DMD: variants seen among roughly 807,000 people sequenced by gnomAD.
DMD encodes mutant dystrophin.
DMD carries 63 observed loss-of-function variants against 330.1 expected under a neutral mutation model. The observed-to-expected ratio is 0.19, with a 90% CI of 0.16 to 0.24. The LOEUF is 0.24. DMD is among the 10% of genes least tolerant of loss of function. DMD has a pLI of 1.00. For missense variants in DMD, 3,344 were observed against 2,684.1 expected, an observed-to-expected ratio of 1.25 and a Z score of -5.43; for synonymous variants, 1,223 against 959.8, an observed-to-expected ratio of 1.27 and a Z score of -5.07.
chrX:31,794,139 A>G (rs1220854825), intron 50 of DMD, among the ~76,000 whole-genome samples: 1 of 112,019 alleles, frequency 8.9e-6, no homozygotes, highest in Non-Finnish European at 1.9e-5. Flanking sequence ...TGGTGTTAAA[A>G]TTGATTGAAG....
intron 9 of DMD, among the ~76,000 whole-genome samples, chrX:32,691,188 C>T (rs1280039415): frequency 2.7e-5 from 3 of 110,156 alleles, no homozygotes; most frequent in African/African-American, 6.6e-5. Context: ...AAGACAGCAA[C>T]CAATATCATG....
intron 2 of DMD, among the ~76,000 whole-genome samples, chrX:32,939,119 A>C (rs1213818196): frequency 9.2e-6 from 1 of 109,118 alleles, no homozygotes; most frequent in Non-Finnish European, 1.9e-5. Flanking sequence ...CTGAGTTGGG[A>C]AATACCCTGT....
intron 43 of DMD, among the ~76,000 whole-genome samples, chrX:32,255,753 T>C (rs1298573506): frequency 8.9e-6 from 1 of 112,331 alleles, no homozygotes; most frequent in Non-Finnish European, 1.9e-5. Flanking sequence ...GACCTCATTG[T>C]TGCAGCTAAA....
At chrX:31,379,438 G>A (rs1041701011) in intron 60 of DMD, among the ~76,000 whole-genome samples, 4 of 111,169 alleles carry the variant, frequency 3.6e-5, no homozygotes, top group South Asian at 7.7e-4. Flanking sequence ...TTCATGGCTC[G>A]TTTGGCAACA....
At chrX:32,565,579 TAACTA>T in intron 16 of DMD, 118 bp downstream of exon 16, 2 of 683,767 alleles carry the variant, frequency 2.9e-6, no homozygotes, top group Non-Finnish European at 2.2e-6. Flanking sequence ...TGTTTTTATT[TAACTA>T]AACACAGGGC....
intron 1 of DMD, among the ~76,000 whole-genome samples, chrX:33,283,334 T>G (rs1210768130): frequency 7.4e-5 from 8 of 108,042 alleles, no homozygotes; most frequent in African/African-American, 2.7e-4. Context: ...AGGTCAGGAG[T>G]TTGAGACCAG....
chrX:32,099,621 T>A (rs1365628267), intron 44 of DMD, among the ~76,000 whole-genome samples: 4 of 107,968 alleles, frequency 3.7e-5, no homozygotes, highest in Non-Finnish European at 7.7e-5. Context: ...AATACATCAT[T>A]CTCAGTAAAC....
chrX:32,662,886 T>A (rs972869194), intron 9 of DMD, among the ~76,000 whole-genome samples: 1 of 111,799 alleles, frequency 8.9e-6, no homozygotes, highest in Non-Finnish European at 1.9e-5. Flanking sequence ...ACTGTGGCAA[T>A]TTTCCTTGAG....
chrX:32,208,654 CT>C (rs1240369013), intron 44 of DMD, among the ~76,000 whole-genome samples: 1 of 111,887 alleles, frequency 8.9e-6, no homozygotes, highest in Non-Finnish European at 1.9e-5. Context: ...CTGCCCTTTG[CT>C]TTAGACGTTG....
chrX:32,465,204 TTTTA>T (rs1337904127), intron 23 of DMD, among the ~76,000 whole-genome samples: 1 of 112,120 alleles, frequency 8.9e-6, no homozygotes, highest in Non-Finnish European at 1.9e-5. Context: ...GAGCTTTTGC[TTTTA>T]TTTGTCTGAC....
intron 62 of DMD, among the ~76,000 whole-genome samples, chrX:31,275,629 G>A (rs1414736270): frequency 9.0e-6 from 1 of 110,907 alleles, no homozygotes; most frequent in Non-Finnish European, 1.9e-5. Context: ...ATTTGAGGTG[G>A]GAAGAAACAA....
At position 32,121,737 on chromosome X, in the gene DMD, A is replaced by ATG. The variant is rs770805204; in HGVS notation, c.6438+95177_6438+95178dup. 7.4e-3 allele frequency among the ~76,000 whole-genome samples: 713 copies of ATG among 96,404 alleles called. 6 individuals are homozygous for ATG. Among genetic ancestry groups the ATG allele is most frequent in the African/African-American group, 0.023 (604 of 26,501 alleles). 83.7% of individuals were successfully genotyped at this position (96,404 alleles called of 115,157 possible). A position where few individuals can be genotyped will look rare whatever the true frequency, so the allele number is the denominator to read the frequency against. Reference sequence around the variant, plus strand: ...AGGGCATTGGAAGGAGTCAAAAAAAATGTGTGTGTGTGTGTGTGTATACAC... The same window carrying ATG: ...AGGGCATTGGAAGGAGTCAAAAAAAATGTGTGTGTGTGTGTGTGTGTATACAC... On this transcript the variant is annotated intron_variant, in intron 44 of 78. Coordinates refer to ENST00000357033, the MANE Select transcript of DMD (RefSeq NM_004006.3).
chrX:31,689,288 A>T (rs1347813906), intron 52 of DMD, among the ~76,000 whole-genome samples: 1 of 112,441 alleles, frequency 8.9e-6, no homozygotes, highest in African/African-American at 3.2e-5. Context: ...ATATAAAATC[A>T]ATGTGCAAAA....
intron 15 of DMD, among the ~76,000 whole-genome samples, chrX:32,566,950 C>A (rs930164174): frequency 8.9e-6 from 1 of 111,904 alleles, no homozygotes; most frequent in Non-Finnish European, 1.9e-5. Context: ...CCTGTCTTTC[C>A]GAAACAAATG....
intron 44 of DMD, among the ~76,000 whole-genome samples, chrX:32,077,594 A>C (rs1467804155): frequency 9.0e-6 from 1 of 111,330 alleles, no homozygotes; most frequent in Non-Finnish European, 1.9e-5. Flanking sequence ...CCTTGAGTCT[A>C]TTATTTATCC....
intron 60 of DMD, among the ~76,000 whole-genome samples, chrX:31,391,889 G>C (rs945259457): frequency 9.2e-6 from 1 of 108,999 alleles, no homozygotes; most frequent in African/African-American, 3.3e-5. Flanking sequence ...AAAACAAAAA[G>C]CAAGCAAAAA....
At chrX:32,704,255 C>T (rs2064396775) in intron 7 of DMD, among the ~76,000 whole-genome samples, 1 of 92,073 alleles carries the variant, frequency 1.1e-5, no homozygotes, top group Non-Finnish European at 1.9e-5. Context: ...ACCTCATTCT[C>T]TCAGATACTA....
At chrX:32,987,328 T>C (rs1255371255) in intron 2 of DMD, among the ~76,000 whole-genome samples, 2 of 111,329 alleles carry the variant, frequency 1.8e-5, no homozygotes, top group South Asian at 3.8e-4. Context: ...TTGAGTGCTT[T>C]GCAGTCCTGG....
intron 54 of DMD, among the ~76,000 whole-genome samples, chrX:31,632,771 T>C: frequency 8.9e-6 from 1 of 112,172 alleles, no homozygotes; most frequent in African/African-American, 3.2e-5. Context: ...CCATAACAGT[T>C]CCTACTAGTT....
Sources: gnomAD v4.1 joint callset for allele counts (sites outside exome capture counted in the v4.1 genomes callset) on GRCh38, gnomAD v4.1.1 for gene constraint, MANE v1.5 for transcripts, NCBI Gene and HGNC (gene_info 2026-07-23, HGNC 2026-07-21) for gene names.